Variants in CPLX2 observed in about 807,000 individuals in gnomAD.
CPLX2 encodes the protein complexin 2.
In CPLX2, 5 loss-of-function variants were observed where a neutral mutation model predicts 16.3. The ratio of observed to expected loss-of-function variants is 0.31; its 90% CI spans 0.16 to 0.64. CPLX2 has a LOEUF of 0.64. CPLX2 is among the 30% of genes least tolerant of loss of function. The pLI is 0.79. For missense variants in CPLX2, 144 were observed against 181.4 expected, an observed-to-expected ratio of 0.79 and a Z score of 1.18; for synonymous variants, 89 against 73.2, an observed-to-expected ratio of 1.22 and a Z score of -1.10.
upstream of CPLX2, among the ~76,000 whole-genome samples, chr5:175,870,413 T>C (rs186600439): frequency 4.6e-5 from 7 of 152,248 alleles, no homozygotes; most frequent in Admixed American, 2.0e-4. Flanking sequence ...TGTTGCCCCT[T>C]CCTTGGAAGG....
At chr5:175,874,671 C>T (rs1393198408) in intron 1 of CPLX2, among the ~76,000 whole-genome samples, 1 of 151,796 alleles carries the variant, frequency 6.6e-6, no homozygotes, top group Non-Finnish European at 1.5e-5. Context: ...TTGAGATTAT[C>T]CATGTGACAA....
intron 1 of CPLX2, among the ~76,000 whole-genome samples, chr5:175,802,057 C>G (rs1426242444): frequency 6.6e-6 from 1 of 152,204 alleles, no homozygotes; most frequent in East Asian, 1.9e-4. Context: ...TATATTTTGT[C>G]CCATCATTGC....
Position 175,849,252 on chromosome 5 carries a change from C to A in CPLX2, c.-88-29400C>A, listed in dbSNP as rs1386180415. 6.6e-6 allele frequency among the ~76,000 whole-genome samples: 1 copy of A among 152,168 alleles called. No individual in the cohort carries two copies. The highest frequency in any genetic ancestry group is 1.5e-5 in the Non-Finnish European group (1 of 68,022). On this transcript the variant is annotated intron_variant, in intron 2 of 4. Transcript: ENST00000359546. The surrounding 1 kb of genome is among the most constrained non-coding windows in gnomAD (Gnocchi z 4.4). The stretch of plus-strand genomic sequence containing the variant: ...GCACTGACCTGTCCATTGTCACCAG[C>A]CAGCAGCTCAAAGGGATGTCCGGCT...
chr5:175,866,191 G>T (rs1438858123), intron 2 of CPLX2, among the ~76,000 whole-genome samples: 1 of 152,206 alleles, frequency 6.6e-6, no homozygotes, highest in Non-Finnish European at 1.5e-5. Flanking sequence ...ATTGTGCCTG[G>T]GCAAGTCCAG....
Position 175,882,007 on chromosome 5 carries a change from G to A in CPLX2, c.*1962G>A, listed in dbSNP as rs1014722700. The stretch of plus-strand genomic sequence containing the variant: ...AGTTAGACTGCAATACTTTAAACAC[G>A]AGACAAAACAATCCATATGTTTAGG... On this transcript the variant is annotated 3_prime_UTR_variant, in exon 4 of 4. Transcript: ENST00000393745. 3.9e-5 allele frequency: 6 copies of A among 152,716 alleles called. No individual in the cohort carries two copies. The highest frequency in any genetic ancestry group is 1.9e-4 in the East Asian group (1 of 5,188). 9.5% of individuals were successfully genotyped at this position (152,716 alleles called of 1,614,324 possible).
At chr5:175,806,433 G>T (rs1050196354) in intron 1 of CPLX2, among the ~76,000 whole-genome samples, 2 of 152,110 alleles carry the variant, frequency 1.3e-5, no homozygotes, top group African/African-American at 4.8e-5. Context: ...TGTGTTAGAG[G>T]GGGTGACACA....
chr5:175,799,488 A>G (rs1190227005), intron 1 of CPLX2, among the ~76,000 whole-genome samples: 1 of 148,762 alleles, frequency 6.7e-6, no homozygotes, highest in Non-Finnish European at 1.5e-5. Context: ...TCTCAAGAAG[A>G]TGGCAATGTA....
At position 175,871,687 on chromosome 5, in the gene CPLX2, C is replaced by G. The variant is rs1386363303; in HGVS notation, c.-107C>G. On this transcript the variant is annotated 5_prime_UTR_variant, in exon 1 of 4. Coordinates refer to ENST00000393745, the MANE Select transcript of CPLX2 (RefSeq NM_001008220.2). ...GGCCGGAGCCCTGCAGTGGCTCAGA[C>G]GGTTGCAGGGACCGCCAGGTCGGTG... The G allele has an allele frequency of 6.6e-6, 1 of 152,406 alleles. No homozygotes were observed. The highest frequency in any genetic ancestry group is 2.4e-5 in the African/African-American group (1 of 41,454). 9.4% of individuals were successfully genotyped at this position (152,406 alleles called of 1,614,324 possible). A position where few individuals can be genotyped will look rare whatever the true frequency, so the allele number is the denominator to read the frequency against.
chr5:175,849,331 T>C lies in CPLX2; in HGVS notation c.-88-29321T>C, dbSNP rs1410373851. ...TCTCTGATTCCAAAGGGACACCTGA[T>C]GGTGAGTTTCGCAACACTGGACGTC... On this transcript the variant is annotated intron_variant, in intron 2 of 4. Transcript: ENST00000359546. This position sits in a 1 kb window ranked among gnomAD's most constrained non-coding sequence, Gnocchi z 4.4. Among the ~76,000 whole-genome samples the C allele has an allele frequency of 6.6e-6, 1 of 152,182 alleles. No homozygotes were observed. Among genetic ancestry groups the C allele is most frequent in the East Asian group, 1.9e-4 (1 of 5,186 alleles).
chr5:175,866,071 A>G (rs1261464938), intron 2 of CPLX2, among the ~76,000 whole-genome samples: 1 of 152,194 alleles, frequency 6.6e-6, no homozygotes, highest in Non-Finnish European at 1.5e-5. Context: ...CTGAGCATGC[A>G]TGGGTTTCAC....
intron 2 of CPLX2, among the ~76,000 whole-genome samples, chr5:175,865,702 A>G (rs774925645): frequency 2.0e-5 from 3 of 152,186 alleles, no homozygotes; most frequent in Non-Finnish European, 4.4e-5. Flanking sequence ...AGGGTCCAGG[A>G]TCTTATGATT....
intron 2 of CPLX2, among the ~76,000 whole-genome samples, chr5:175,828,704 T>G (rs1382532240): frequency 1.3e-5 from 2 of 152,152 alleles, no homozygotes; most frequent in African/African-American, 2.4e-5. Context: ...GTGACCTAGA[T>G]AGCCCCCACA....
intron 2 of CPLX2, among the ~76,000 whole-genome samples, chr5:175,833,622 CAG>C (rs1490691540): frequency 6.6e-6 from 1 of 152,090 alleles, no homozygotes; most frequent in Non-Finnish European, 1.5e-5. Flanking sequence ...GATCCCACTC[CAG>C]GACTCTTTGA....
At chr5:175,823,014 C>A (rs968720139) in intron 2 of CPLX2, among the ~76,000 whole-genome samples, 1 of 152,264 alleles carries the variant, frequency 6.6e-6, no homozygotes, top group Non-Finnish European at 1.5e-5. Context: ...CAGGCTCACG[C>A]CTTCTTAGCC....
intron 2 of CPLX2, among the ~76,000 whole-genome samples, chr5:175,815,120 T>C (rs759360089): frequency 2.6e-4 from 40 of 152,164 alleles, no homozygotes; most frequent in Non-Finnish European, 5.1e-4. Flanking sequence ...TCTGGGACCA[T>C]CCCTGAGGCC....
upstream of CPLX2, among the ~76,000 whole-genome samples, chr5:175,867,480 C>T (rs924661194): frequency 1.3e-5 from 2 of 152,148 alleles, no homozygotes; most frequent in African/African-American, 4.8e-5. Context: ...GCCTTTGTGT[C>T]TGGCACAGTC....
intron 2 of CPLX2, among the ~76,000 whole-genome samples, chr5:175,825,687 G>A (rs1173173650): frequency 1.3e-5 from 2 of 152,058 alleles, no homozygotes; most frequent in Non-Finnish European, 2.9e-5. Context: ...TGCTCTCCTG[G>A]TCACCACCAT....
intron 2 of CPLX2, among the ~76,000 whole-genome samples, chr5:175,864,500 G>C (rs542887543): frequency 2.0e-5 from 3 of 152,158 alleles, no homozygotes; most frequent in Non-Finnish European, 4.4e-5. Context: ...GACTGTTTGC[G>C]GGCATCTGTC....
chr5:175,858,549 G>T (rs981908368), intron 2 of CPLX2, among the ~76,000 whole-genome samples: 1 of 152,230 alleles, frequency 6.6e-6, no homozygotes. Flanking sequence ...TCAGTGGGGA[G>T]CCATTAGCAC....
Sources: allele counts gnomAD v4.1 joint callset (sites outside exome capture counted in the v4.1 genomes callset), GRCh38; gene constraint gnomAD v4.1.1; non-coding constraint Gnocchi (gnomAD v3.1); transcripts MANE v1.5; gene names NCBI Gene and HGNC (gene_info 2026-07-23, HGNC 2026-07-21).